The following SLC45A4 variants were observed in gnomAD, a reference collection of about 807,000 sequenced individuals.
The protein encoded by SLC45A4 is solute carrier family 45 member 4.
Under a neutral mutation model 63.7 loss-of-function variants are expected in SLC45A4, and 32 were observed. The ratio of observed to expected loss-of-function variants is 0.50; its 90% CI spans 0.38 to 0.67. The LOEUF (loss-of-function observed/expected upper bound fraction) is 0.67, where lower values mean the gene tolerates loss of function less well. Ranked by LOEUF, SLC45A4 falls within the 30% of genes least tolerant of loss-of-function variation. SLC45A4 has a pLI of 0.00. For missense variants in SLC45A4, 1,027 were observed against 1,157.7 expected (o/e 0.89, Z 1.64); for synonymous variants, 535 against 510.0 (o/e 1.05, Z -0.66).
intron 1 of SLC45A4, among the ~76,000 whole-genome samples, chr8:141,259,304 T>C (rs1589825135): frequency 1.3e-5 from 2 of 152,236 alleles, no homozygotes; most frequent in Non-Finnish European, 2.9e-5. Context: ...GGGACACTGC[T>C]GACCCAGCCC....
chr8:141,297,470 T>C (rs1363149458), intron 1 of SLC45A4, among the ~76,000 whole-genome samples: 1 of 152,200 alleles, frequency 6.6e-6, no homozygotes, highest in Non-Finnish European at 1.5e-5. Flanking sequence ...CAGAACCCTA[T>C]CATCACCAGG....
At chr8:141,247,450 C>T (rs920659634) in intron 2 of SLC45A4, among the ~76,000 whole-genome samples, 32 of 152,046 alleles carry the variant, frequency 2.1e-4, no homozygotes, top group South Asian at 4.1e-4. Context: ...TCGAAGGACT[C>T]GAAATTAAGA....
At chr8:141,274,361 C>G (rs1279565494) in intron 1 of SLC45A4, among the ~76,000 whole-genome samples, 2 of 151,808 alleles carry the variant, frequency 1.3e-5, no homozygotes, top group Non-Finnish European at 2.9e-5. Flanking sequence ...TGGTAAAACC[C>G]AGTCTCTGTT....
chr8:141,235,096 C>A (rs2154614391), intron 2 of SLC45A4, among the ~76,000 whole-genome samples: 1 of 152,316 alleles, frequency 6.6e-6, no homozygotes, highest in East Asian at 1.9e-4. Flanking sequence ...ACGCTCAGCT[C>A]TCCACCCACA....
intron 1 of SLC45A4, among the ~76,000 whole-genome samples, chr8:141,291,567 C>G (rs1435224904): frequency 2.0e-5 from 3 of 152,234 alleles, no homozygotes; most frequent in Non-Finnish European, 4.4e-5. Context: ...TTTTCTGAAG[C>G]TCATCAAACA....
chr8:141,276,511 C>G (rs1220750619), intron 1 of SLC45A4, among the ~76,000 whole-genome samples: 1 of 152,166 alleles, frequency 6.6e-6, no homozygotes, highest in Non-Finnish European at 1.5e-5. Context: ...AGTGGCAGGT[C>G]CATAACCCCA....
At chr8:141,222,108 C>G (rs148580404) in intron 2 of SLC45A4, among the ~76,000 whole-genome samples, 1 of 135,370 alleles carries the variant, frequency 7.4e-6, no homozygotes, top group South Asian at 2.4e-4. Flanking sequence ...CAGGGCTGAG[C>G]CCCTCCACAC....
intron 1 of SLC45A4, among the ~76,000 whole-genome samples, chr8:141,282,734 C>T (rs1043415161): frequency 6.6e-6 from 1 of 152,268 alleles, no homozygotes; most frequent in East Asian, 1.9e-4. Context: ...ACTGCCTTCG[C>T]GATTTGGGAC....
At chr8:141,261,321 G>C (rs1441593317) in intron 1 of SLC45A4, among the ~76,000 whole-genome samples, 1 of 152,156 alleles carries the variant, frequency 6.6e-6, no homozygotes, top group African/African-American at 2.4e-5. Flanking sequence ...ACAAGACAGG[G>C]ATGCCCTCTC....
chr8:141,257,132 G>A (rs57409001), intron 1 of SLC45A4, among the ~76,000 whole-genome samples: 6,284 of 152,234 alleles, frequency 0.041, 238 homozygotes, highest in African/African-American at 0.1. Flanking sequence ...GATTACAAGC[G>A]TGGGGCACCA....
At chr8:141,211,905 A>C (rs1304634092) in intron 8 of SLC45A4, 3 of 1,248,572 alleles carry the variant, frequency 2.4e-6, no homozygotes, top group African/African-American at 3.1e-5. Flanking sequence ...CACCTGCAGA[A>C]TAAAAGAGCT....
At chr8:141,289,875 T>C (rs1254044944) in intron 1 of SLC45A4, among the ~76,000 whole-genome samples, 1 of 151,122 alleles carries the variant, frequency 6.6e-6, no homozygotes, top group East Asian at 2.0e-4. Flanking sequence ...AACTCTGCCC[T>C]GGAGGCCCCG....
intron 1 of SLC45A4, among the ~76,000 whole-genome samples, chr8:141,300,395 T>C (rs148373881): frequency 4.8e-4 from 73 of 152,360 alleles, no homozygotes; most frequent in Non-Finnish European, 9.4e-4. Context: ...TCTTACCAAA[T>C]TTCATTAGGT....
At chr8:141,223,566 C>A (rs542094861) in intron 2 of SLC45A4, among the ~76,000 whole-genome samples, 1 of 152,188 alleles carries the variant, frequency 6.6e-6, no homozygotes, top group African/African-American at 2.4e-5. Context: ...AGCCTGTGTG[C>A]GGTCCTGGCT....
intron 8 of SLC45A4, 62 bp downstream of exon 8, chr8:141,212,135 G>GC (rs1555563097): frequency 7.7e-5 from 42 of 545,624 alleles, no homozygotes; most frequent in Non-Finnish European, 8.7e-5. Flanking sequence ...GCCTGGCCCC[G>GC]CCGCCCGCCC....
chr8:141,255,233 A>G (rs866475345), intron 1 of SLC45A4, among the ~76,000 whole-genome samples: 3 of 152,056 alleles, frequency 2.0e-5, no homozygotes. Context: ...CTGCGACTAC[A>G]GGCATGCACC....
chr8:141,268,229 G>A (rs1025845099), intron 1 of SLC45A4, among the ~76,000 whole-genome samples: 4 of 152,242 alleles, frequency 2.6e-5, no homozygotes, highest in East Asian at 1.9e-4. Context: ...TACCAACTGC[G>A]TGATTCCAAC....
chr8:141,280,901 G>C (rs569291065), intron 1 of SLC45A4, among the ~76,000 whole-genome samples: 8 of 152,352 alleles, frequency 5.3e-5, no homozygotes, highest in African/African-American at 1.9e-4. Context: ...AAAGGGCCTC[G>C]TGAGGTCTCC....
chr8:141,243,593 C>T (rs1262036479), intron 2 of SLC45A4, among the ~76,000 whole-genome samples: 2 of 152,062 alleles, frequency 1.3e-5, no homozygotes, highest in Admixed American at 6.5e-5. Context: ...TGCAGTGAGC[C>T]GTAATCGCAC....
Sources: allele counts gnomAD v4.1 joint callset (sites outside exome capture counted in the v4.1 genomes callset), GRCh38; gene constraint gnomAD v4.1.1; transcripts MANE v1.5; gene names NCBI Gene and HGNC (gene_info 2026-07-23, HGNC 2026-07-21).